Variants in RSPO3 observed in about 807,000 individuals in gnomAD.
The protein encoded by RSPO3 is R-spondin 3.
Under a neutral mutation model 36.5 loss-of-function variants are expected in RSPO3, and 17 were observed. The observed-to-expected ratio is 0.47, with a 90% CI of 0.32 to 0.70. The LOEUF (loss-of-function observed/expected upper bound fraction) is 0.70. Among genes scored for constraint, RSPO3 ranks in the 30% least tolerant of loss-of-function variants. The pLI is 0.04. For missense variants in RSPO3, 294 were observed against 322.5 expected, an observed-to-expected ratio of 0.91 and a Z score of 0.68; for synonymous variants, 108 against 107.0, an observed-to-expected ratio of 1.01 and a Z score of -0.06.
chr6:127,158,721 G>A (rs1376094461), intron 4 of RSPO3, among the ~76,000 whole-genome samples: 1 of 152,020 alleles, frequency 6.6e-6, no homozygotes, highest in Non-Finnish European at 1.5e-5. Context: ...GTTAGAATAA[G>A]TTAACCCAAG....
chr6:127,190,008 TTGA>T (rs2114268782), intron 4 of RSPO3, among the ~76,000 whole-genome samples: 1 of 152,320 alleles, frequency 6.6e-6, no homozygotes, highest in Admixed American at 6.5e-5. Context: ...CTCAATTTAC[TTGA>T]TAATAATATA....
rs554129480 is a variant in RSPO3, at chr6:127,118,968, C to G, written c.-225C>G. Reference sequence around the variant, plus strand: ...ATGCCAGCCACCCCAGCGAAGCCGCCGCAGTTCAGTGCTTGGATAATTTGA... The same window carrying G: ...ATGCCAGCCACCCCAGCGAAGCCGCGGCAGTTCAGTGCTTGGATAATTTGA... On this transcript the variant is annotated 5_prime_UTR_variant, in exon 1 of 5. Transcript: ENST00000356698. 1.6e-3 allele frequency: 577 copies of G among 350,164 alleles called. 2 individuals are homozygous for G. The highest frequency in any genetic ancestry group is 2.4e-3 in the East Asian group (56 of 23,064). The allele number at this position is 350,164 out of a possible 1,614,324, so 21.7% of individuals were successfully genotyped here. A position where few individuals can be genotyped will look rare whatever the true frequency, so the allele number is the denominator to read the frequency against.
rs572937286 is a variant in RSPO3, at chr6:127,199,111, G to A, written c.*3104G>A. Among the ~76,000 whole-genome samples the A allele has an allele frequency of 6.6e-6, 1 of 152,326 alleles. No homozygotes were observed. Among genetic ancestry groups the A allele is most frequent in the East Asian group, 1.9e-4 (1 of 5,180 alleles). On this transcript the variant is annotated 3_prime_UTR_variant, in exon 5 of 5. Coordinates refer to ENST00000356698, the MANE Select transcript of RSPO3 (RefSeq NM_032784.5). ...GGAAAGTGCACTGGTGCTAGCGTTA[G>A]ACAGCTTGTGTTAATGTCTCAATTC...
At chr6:127,134,028 G>T (rs1033263085) in intron 1 of RSPO3, among the ~76,000 whole-genome samples, 1 of 152,084 alleles carries the variant, frequency 6.6e-6, no homozygotes, top group Non-Finnish European at 1.5e-5. Context: ...TTTAAATAGC[G>T]TTGGAAATTA....
chr6:127,170,825 T>C (rs1774920896), intron 4 of RSPO3, among the ~76,000 whole-genome samples: 1 of 151,734 alleles, frequency 6.6e-6, no homozygotes, highest in Admixed American at 6.6e-5. Context: ...GTACCTAAAG[T>C]AGCAAGTTAA....
intron 1 of RSPO3, among the ~76,000 whole-genome samples, chr6:127,125,343 A>C (rs1773918911): frequency 6.6e-6 from 1 of 152,182 alleles, no homozygotes; most frequent in Admixed American, 6.5e-5. Flanking sequence ...CCTGAGAAAG[A>C]AGGCTCCTTA....
intron 1 of RSPO3, among the ~76,000 whole-genome samples, chr6:127,121,866 T>C (rs189440279): frequency 6.6e-6 from 1 of 152,346 alleles, no homozygotes; most frequent in East Asian, 1.9e-4. Flanking sequence ...ATCCTAATTG[T>C]TTCTTCAAGA....
chr6:127,178,588 A>G (rs1775115004), intron 4 of RSPO3, among the ~76,000 whole-genome samples: 1 of 151,808 alleles, frequency 6.6e-6, no homozygotes, highest in Non-Finnish European at 1.5e-5. Context: ...ATACACACAC[A>G]AACACACACA....
At chr6:127,121,695 T>A (rs1773849509) in intron 1 of RSPO3, among the ~76,000 whole-genome samples, 3 of 152,170 alleles carry the variant, frequency 2.0e-5, no homozygotes, top group African/African-American at 7.2e-5. Context: ...AAGGTCAAAC[T>A]GCATGTGCAC....
At chr6:127,139,733 G>C (rs1273090266) in intron 1 of RSPO3, among the ~76,000 whole-genome samples, 4 of 151,984 alleles carry the variant, frequency 2.6e-5, no homozygotes, top group Non-Finnish European at 4.4e-5. Flanking sequence ...CTCATCAATA[G>C]GTCCTGGCTC....
chr6:127,139,544 TC>T (rs201583514), intron 1 of RSPO3, among the ~76,000 whole-genome samples: 1,900 of 101,012 alleles, frequency 0.019, 36 homozygotes, highest in African/African-American at 0.069. Context: ...AAAAAATATA[TC>T]TTTTTTTTAA....
At chr6:127,181,342 A>T (rs1460921860) in intron 4 of RSPO3, among the ~76,000 whole-genome samples, 1 of 151,884 alleles carries the variant, frequency 6.6e-6, no homozygotes, top group Non-Finnish European at 1.5e-5. Context: ...ATATATAAAT[A>T]TGTTAAATAT....
At position 127,197,720 on chromosome 6, in the gene RSPO3, C is replaced by A; in HGVS notation, c.*1713C>A. On this transcript the variant is annotated 3_prime_UTR_variant, in exon 5 of 5. Transcript: ENST00000356698. ...TAATCTACTTGGCTTAATTGATTTT[C>A]CACTTCTCTCTTCCTCTTCTAAGAT... 1.9e-6 allele frequency: 1 copy of A among 535,262 alleles called. No homozygotes were observed. The highest frequency in any genetic ancestry group is 3.2e-6 in the Non-Finnish European group (1 of 315,494). The allele number at this position is 535,262 out of a possible 1,614,324, so 33.2% of individuals were successfully genotyped here.
At chr6:127,192,514 A>T (rs758893096) in intron 4 of RSPO3, 21 of 242,318 alleles carry the variant, frequency 8.7e-5, no homozygotes, top group Non-Finnish European at 1.3e-4. Context: ...ATTTGAAAAC[A>T]GCATTTTTCT....
chr6:127,128,189 A>G (rs1015215845), intron 1 of RSPO3, among the ~76,000 whole-genome samples: 4 of 152,108 alleles, frequency 2.6e-5, no homozygotes, highest in Non-Finnish European at 5.9e-5. Flanking sequence ...ATTGTTATCC[A>G]GAAAAAGTTA....
intron 4 of RSPO3, among the ~76,000 whole-genome samples, chr6:127,158,448 G>T (rs766774957): frequency 4.6e-5 from 7 of 152,100 alleles, no homozygotes; most frequent in Non-Finnish European, 8.8e-5. Context: ...ATAGACAGAG[G>T]TAGATAACTC....
At chr6:127,142,854 T>C (rs1774305990) in intron 1 of RSPO3, among the ~76,000 whole-genome samples, 1 of 152,084 alleles carries the variant, frequency 6.6e-6, no homozygotes, top group Non-Finnish European at 1.5e-5. Context: ...TATCTCTCTG[T>C]CATCCAGGCT....
rs568081675 is a variant in RSPO3 at position 127,167,175 on chromosome 6, G to T, written c.634+11737G>T. On this transcript the variant is annotated intron_variant, in intron 4 of 4. Coordinates refer to ENST00000356698, the MANE Select transcript of RSPO3 (RefSeq NM_032784.5). ...CGGGGTACATGTGCAGGATGTGCAG[G>T]TTTGTTACATAGGTAAACATGTGCC... Among the ~76,000 whole-genome samples the T allele has an allele frequency of 3.3e-5, 5 of 151,916 alleles. No individual in the cohort carries two copies. The South Asian group carries it at 8.3e-4, about 25-fold the overall frequency.
intron 4 of RSPO3, among the ~76,000 whole-genome samples, chr6:127,164,228 A>G (rs184831802): frequency 2.0e-5 from 3 of 152,178 alleles, no homozygotes; most frequent in Admixed American, 1.3e-4. Context: ...AAATGCCTGC[A>G]GTTGAAGCCA....
Sources: gnomAD v4.1 joint callset for allele counts (sites outside exome capture counted in the v4.1 genomes callset) on GRCh38, gnomAD v4.1.1 for gene constraint, MANE v1.5 for transcripts, NCBI Gene and HGNC (gene_info 2026-07-23, HGNC 2026-07-21) for gene names.